The following PTGES variants were observed in gnomAD, a reference collection of about 807,000 sequenced individuals.
PTGES encodes prostaglandin E synthase, also known as MGST1-like 1.
PTGES carries 3 observed loss-of-function variants against 11.8 expected under a neutral mutation model. The observed-to-expected ratio is 0.25, with a 90% CI of 0.12 to 0.66. The LOEUF (loss-of-function observed/expected upper bound fraction) is 0.66, where lower values mean the gene tolerates loss of function less well. Among genes scored for constraint, PTGES ranks in the 30% least tolerant of loss-of-function variants. The pLI is 0.82. For missense variants in PTGES, 180 were observed against 213.0 expected (o/e 0.85, Z 0.96); for synonymous variants, 94 against 90.4 (o/e 1.04, Z -0.22).
intron 2 of PTGES, 63 bp downstream of exon 2, chr9:129,748,589 CAGA>C (rs770135359): frequency 5.6e-5 from 75 of 1,335,642 alleles, no homozygotes; most frequent in East Asian, 1.1e-4. Flanking sequence ...CCCCTGTGTG[CAGA>C]AGAAGTTCTG....
chr9:129,743,296 G>A (rs1833017740), intron 2 of PTGES, among the ~76,000 whole-genome samples: 1 of 152,182 alleles, frequency 6.6e-6, no homozygotes, highest in African/African-American at 2.4e-5. Context: ...GAGACACCAA[G>A]GAATGATGGA....
intron 1 of PTGES, among the ~76,000 whole-genome samples, chr9:129,750,736 A>G (rs1833094819): frequency 6.6e-6 from 1 of 152,138 alleles, no homozygotes; most frequent in African/African-American, 2.4e-5. Flanking sequence ...GGGGCGTTGC[A>G]TTCTCCTGGC....
At chr9:129,742,759 C>G (rs934010645) in intron 2 of PTGES, among the ~76,000 whole-genome samples, 4 of 151,864 alleles carry the variant, frequency 2.6e-5, no homozygotes, top group African/African-American at 9.7e-5. Context: ...GTAGTCCCAG[C>G]TACTCGGGAG....
intron 2 of PTGES, among the ~76,000 whole-genome samples, chr9:129,742,871 CA>C (rs764985510): frequency 0.018 from 2,149 of 118,820 alleles, 26 homozygotes; most frequent in Non-Finnish European, 0.028. Context: ...GACTCCGTCT[CA>C]AAAAAAAAAA....
chr9:129,749,814 G>A (rs527983006), intron 1 of PTGES, among the ~76,000 whole-genome samples: 30 of 152,332 alleles, frequency 2.0e-4, no homozygotes, highest in African/African-American at 7.0e-4. Flanking sequence ...ACCAGCACAC[G>A]GGAGCACAGA....
chr9:129,749,689 C>G (rs925456060), intron 1 of PTGES: 1 of 152,232 alleles, frequency 6.6e-6, no homozygotes, highest in African/African-American at 2.4e-5. Context: ...TTGAAAGATG[C>G]ATTGACATTA....
chr9:129,752,064 T>C (rs1379897722), intron 1 of PTGES, among the ~76,000 whole-genome samples: 1 of 152,220 alleles, frequency 6.6e-6, no homozygotes, highest in Non-Finnish European at 1.5e-5. Flanking sequence ...TGAGCCTGGC[T>C]TGTGGCCAAG....
At chr9:129,748,793 G>C (rs987262219) in intron 1 of PTGES, 56 bp from the exon 2 acceptor site, 10 of 1,445,838 alleles carry the variant, frequency 6.9e-6, no homozygotes, top group Non-Finnish European at 9.5e-6. Flanking sequence ...CAGTCACCTG[G>C]GGCTATGTTT....
At chr9:129,748,341 A>G (rs1833067750) in intron 2 of PTGES, among the ~76,000 whole-genome samples, 1 of 152,076 alleles carries the variant, frequency 6.6e-6, no homozygotes, top group African/African-American at 2.4e-5. Flanking sequence ...GGGAAGATGC[A>G]TGGCCATTGG....
At chr9:129,751,466 G>A (rs1274869750) in intron 1 of PTGES, among the ~76,000 whole-genome samples, 1 of 151,942 alleles carries the variant, frequency 6.6e-6, no homozygotes, top group Non-Finnish European at 1.5e-5. Flanking sequence ...ATCACCTGAG[G>A]TCAGGGGTTC....
At position 129,745,257 on chromosome 9, in the gene PTGES, G is replaced by A. The variant is rs371981208; in HGVS notation, c.209+3398C>T. Among the ~76,000 whole-genome samples the A allele has an allele frequency of 3.5e-4, 54 of 152,280 alleles. No individual in the cohort carries two copies. In the South Asian group the frequency reaches 9.3e-3, roughly 26 times the overall value. The stretch of plus-strand genomic sequence containing the variant: ...CCAGACGCACATTGCCGGGAACTCC[G>A]GATAGGTATCCTGAAAAGGTGGCTA... On this transcript the variant is annotated intron_variant, in intron 2 of 2. Transcript: ENST00000340607. This position sits in a 1 kb window ranked among gnomAD's most constrained non-coding sequence, Gnocchi z 4.2.
In PTGES at chr9:129,747,850, A is replaced by G. The variant is rs1254394538; in HGVS notation, c.209+805T>C. ...CATAGTGAAACCCCATCTCTACTAA[A>G]AATACAAAAATTAGCCAGGCATGAT... is the stretch of plus-strand genomic sequence containing the variant. On this transcript the variant is annotated intron_variant, in intron 2 of 2. Coordinates refer to ENST00000340607, the MANE Select transcript of PTGES (RefSeq NM_004878.5). Among the ~76,000 whole-genome samples the G allele has an allele frequency of 1.3e-5, 2 of 151,842 alleles. 1 individual carries two copies. Among genetic ancestry groups the G allele is most frequent in the Non-Finnish European group, 2.9e-5 (2 of 67,966 alleles).
chr9:129,744,490 G>A (rs1320770589), intron 2 of PTGES, among the ~76,000 whole-genome samples: 1 of 146,444 alleles, frequency 6.8e-6, no homozygotes, highest in African/African-American at 2.5e-5. Flanking sequence ...TGAGAAGATC[G>A]TTTGAGCCCA....
At chr9:129,747,008 G>T (rs1361757739) in intron 2 of PTGES, among the ~76,000 whole-genome samples, 6 of 152,204 alleles carry the variant, frequency 3.9e-5, no homozygotes, top group African/African-American at 1.4e-4. Flanking sequence ...CGCCTCCTGG[G>T]TTCATGCCAT....
intron 1 of PTGES, 86 bp downstream of exon 1, chr9:129,752,801 A>T (rs1303093456): frequency 1.6e-5 from 26 of 1,601,952 alleles, no homozygotes; most frequent in Non-Finnish European, 2.0e-5. Flanking sequence ...CACCTTGGCC[A>T]TGTTTCCCTA....
intron 1 of PTGES, 85 bp downstream of exon 1, chr9:129,752,802 T>C (rs2241271): frequency 0.23 from 365,744 of 1,602,642 alleles, 45,533 homozygotes; most frequent in African/African-American, 0.49. Context: ...ACCTTGGCCA[T>C]GTTTCCCTAT....
rs1339923853 is a variant in PTGES, at chr9:129,752,841, AG to A, written c.126+45del. 8 of 1,613,464 alleles carry A rather than the reference AG, an allele frequency of 5.0e-6. No individual in the cohort carries two copies. In the East Asian group the frequency reaches 1.8e-4, roughly 36 times the overall value. On this transcript the variant is annotated intron_variant, in intron 1 of 2. Coordinates refer to ENST00000340607, the MANE Select transcript of PTGES (RefSeq NM_004878.5). The stretch of plus-strand genomic sequence containing the variant: ...GGGGCTTTCCTGACAGGACGTGGAG[AG>A]AAGCAAGTATGACCCAGGCCGGGGA...
rs1050940682 is a variant in PTGES, at chr9:129,745,469, C to T, written c.209+3186G>A. 1.3e-5 allele frequency among the ~76,000 whole-genome samples: 2 copies of T among 152,198 alleles called. No homozygotes were observed. The highest frequency in any genetic ancestry group is 1.3e-4 in the Admixed American group (2 of 15,282). ...TTTGCTTCCAGGTGGTCTCCCCCTT[C>T]GGGTTCCAGCCAGTTCTCCGGTAGC... On this transcript the variant is annotated intron_variant, in intron 2 of 2. Coordinates refer to ENST00000340607, the MANE Select transcript of PTGES (RefSeq NM_004878.5). This position sits in a 1 kb window ranked among gnomAD's most constrained non-coding sequence, Gnocchi z 4.2.
intron 2 of PTGES, among the ~76,000 whole-genome samples, chr9:129,747,848 A>G (rs45618739): frequency 0.031 from 4,731 of 151,924 alleles, 91 homozygotes; most frequent in Middle Eastern, 0.061. Context: ...CATCTCTACT[A>G]AAAATACAAA....
Sources: allele counts gnomAD v4.1 joint callset (sites outside exome capture counted in the v4.1 genomes callset), GRCh38; gene constraint gnomAD v4.1.1; non-coding constraint Gnocchi (gnomAD v3.1); transcripts MANE v1.5; gene names NCBI Gene and HGNC (gene_info 2026-07-23, HGNC 2026-07-21).